The following LETM1 variants were observed in gnomAD, a reference collection of about 807,000 sequenced individuals.
The protein encoded by LETM1 is mitochondrial proton/calcium exchanger protein.
Under a neutral mutation model 74.5 loss-of-function variants are expected in LETM1, and 50 were observed. The observed-to-expected ratio is 0.67, with a 90% confidence interval of 0.53 to 0.85. The LOEUF is 0.85. Ranked by LOEUF, LETM1 falls within the 40% of genes least tolerant of loss-of-function variation. The pLI is 0.00. For missense variants in LETM1, 824 were observed against 967.8 expected (o/e 0.85, Z 1.97); for synonymous variants, 446 against 407.1 (o/e 1.10, Z -1.15).
chr4:1,822,935 G>C (rs536702222), intron 9 of LETM1, 53 bp downstream of exon 9: 10 of 1,332,306 alleles, frequency 7.5e-6, no homozygotes, highest in Admixed American at 6.3e-5. Context: ...GGGGTTTCTA[G>C]GGAGGCTGGC....
In LETM1 at chr4:1,841,772, G is replaced by C; in HGVS notation, c.169C>G (p.Pro57Ala). Residue 57 changes from proline (P) to alanine (A), a missense_variant, in exon 3 of 14, where the codon CCC becomes GCC. Pro to Ala is a conservative substitution (Grantham distance 27, BLOSUM62 -1). This residue lies in a region of LETM1 where 222 missense variants were observed against 195.6 expected (regional missense o/e 1.14). Coordinates refer to ENST00000302787, the MANE Select transcript of LETM1 (RefSeq NM_012318.3). Reference sequence around the variant, plus strand: ...GAGGATGTGTACACAGGGTGGATGGGAGTGCAGCAGCCAAATGGAACATTC... The same window carrying C: ...GAGGATGTGTACACAGGGTGGATGGCAGTGCAGCAGCCAAATGGAACATTC... ...CLNVPFGCCTPIHPVYTSSRG... is the reference protein window; with the variant it reads ...CLNVPFGCCTAIHPVYTSSRG... 1 of 1,613,222 alleles carries C rather than the reference G, an allele frequency of 6.2e-7. No homozygotes were observed. The highest frequency in any genetic ancestry group is 1.7e-5 in the Admixed American group (1 of 60,004).
At chr4:1,845,190 C>T (rs1260411721) in intron 2 of LETM1, among the ~76,000 whole-genome samples, 1 of 152,038 alleles carries the variant, frequency 6.6e-6, no homozygotes, top group East Asian at 1.9e-4. Context: ...ACTCTGTCCC[C>T]CGCACCCCCC....
chr4:1,830,499 T>A (rs756714143), intron 6 of LETM1, among the ~76,000 whole-genome samples: 1 of 152,058 alleles, frequency 6.6e-6, no homozygotes, highest in Non-Finnish European at 1.5e-5. Context: ...CCCAGCTAAT[T>A]TTTAAATTTT....
chr4:1,844,907 A>C (rs1339785283), intron 2 of LETM1, among the ~76,000 whole-genome samples: 1 of 151,196 alleles, frequency 6.6e-6, no homozygotes, highest in African/African-American at 2.4e-5. Flanking sequence ...AAAAAAAAAA[A>C]AAGGCCAGGC....
At chr4:1,850,518 G>A (rs776217125) in intron 1 of LETM1, among the ~76,000 whole-genome samples, 9 of 151,582 alleles carry the variant, frequency 5.9e-5, no homozygotes, top group Non-Finnish European at 1.2e-4. Context: ...TACTACAACC[G>A]GACCGGGCGC....
In LETM1 at chr4:1,844,622, T is replaced by C. The variant is rs188573065; in HGVS notation, c.144-2825A>G. Reference sequence around the variant, plus strand: ...GGCACACACCTGTAATCTCAGTTACTTGGAGGGCTGAGGCGTGAGAACTGC... The same window carrying C: ...GGCACACACCTGTAATCTCAGTTACCTGGAGGGCTGAGGCGTGAGAACTGC... On this transcript the variant is annotated intron_variant, in intron 2 of 13. Transcript: ENST00000302787. 1.3e-3 allele frequency among the ~76,000 whole-genome samples: 197 copies of C among 151,860 alleles called. 1 individual carries two copies. The highest frequency in any genetic ancestry group is 4.5e-3 in the African/African-American group (187 of 41,404).
intron 2 of LETM1, among the ~76,000 whole-genome samples, chr4:1,842,653 T>C (rs1712743040): frequency 6.6e-6 from 1 of 152,146 alleles, no homozygotes; most frequent in South Asian, 2.1e-4. Context: ...GCTCGAGGCC[T>C]CACAGGCAGC....
chr4:1,835,117 C>T (rs889285201), intron 4 of LETM1, 135 bp from the exon 5 acceptor site: 2 of 804,298 alleles, frequency 2.5e-6, no homozygotes, highest in African/African-American at 3.5e-5. Flanking sequence ...AAGTGCAATA[C>T]ATTCTCAAAC....
chr4:1,820,619 A>C (rs574102038), intron 10 of LETM1, among the ~76,000 whole-genome samples: 5 of 152,360 alleles, frequency 3.3e-5, no homozygotes, highest in Admixed American at 1.3e-4. Flanking sequence ...CATGTGCAGG[A>C]CATCTGCATA....
chr4:1,841,768 A>G lies in LETM1; in HGVS notation c.173T>C (p.Ile58Thr). Residue 58 changes from isoleucine to threonine, a missense_variant, in exon 3 of 14, where the codon ATC becomes ACC. Coordinates refer to ENST00000302787, the MANE Select transcript of LETM1 (RefSeq NM_012318.3). ...LNVPFGCCTP[I>T]HPVYTSSRGD... The stretch of plus-strand genomic sequence containing the variant: ...TCTGGAGGATGTGTACACAGGGTGG[A>G]TGGGAGTGCAGCAGCCAAATGGAAC... 6.2e-7 allele frequency: 1 copy of G among 1,613,636 alleles called. No homozygotes were observed. Among genetic ancestry groups the G allele is most frequent in the South Asian group, 1.1e-5 (1 of 91,076 alleles).
Position 1,825,528 on chromosome 4 carries a change from C to T in LETM1, c.1200+36G>A, listed in dbSNP as rs768677557. 14 of 1,591,250 alleles carry T rather than the reference C, an allele frequency of 8.8e-6. No individual in the cohort carries two copies. The African/African-American group carries it at 9.4e-5, about 11-fold the overall frequency. ...TTCGAGGCTGATGTTTCCCTTGAGC[C>T]CGTGCCGGCCTGGCACCAGGCCAAT... On this transcript the variant is annotated intron_variant, in intron 7 of 13. Coordinates refer to ENST00000302787, the MANE Select transcript of LETM1 (RefSeq NM_012318.3).
chr4:1,822,359 G>A (rs774877022), intron 9 of LETM1, 47 bp from the exon 10 acceptor site: 4 of 1,409,726 alleles, frequency 2.8e-6, no homozygotes, highest in East Asian at 5.3e-5. Context: ...TCACACAGAA[G>A]CAGTCTTCTT....
intron 9 of LETM1, chr4:1,822,636 G>A (rs556735607): frequency 7.5e-5 from 26 of 348,884 alleles, no homozygotes; most frequent in East Asian, 4.8e-4. Context: ...CACAGGGCCC[G>A]CGTTGAAGAG....
intron 3 of LETM1, among the ~76,000 whole-genome samples, chr4:1,837,296 A>G (rs1420180003): frequency 6.6e-6 from 1 of 152,038 alleles, no homozygotes; most frequent in African/African-American, 2.4e-5. Context: ...CCTCCTCCTC[A>G]TCAGCCTCTC....
At chr4:1,845,539 C>CTTTTTT (rs565953029) in intron 2 of LETM1, among the ~76,000 whole-genome samples, 1 of 137,414 alleles carries the variant, frequency 7.3e-6, no homozygotes, top group Non-Finnish European at 1.6e-5. Context: ...ATTCTTTTTT[C>CTTTTTT]TTTTTTTTTT....
intron 2 of LETM1, among the ~76,000 whole-genome samples, chr4:1,847,201 G>T (rs1319310031): frequency 6.6e-6 from 1 of 151,914 alleles, no homozygotes; most frequent in Non-Finnish European, 1.5e-5. Flanking sequence ...ATTTAGCAAG[G>T]CATGTTGGTA....
chr4:1,849,693 A>T (rs1221854093), intron 1 of LETM1, among the ~76,000 whole-genome samples: 1 of 152,198 alleles, frequency 6.6e-6, no homozygotes, highest in African/African-American at 2.4e-5. Flanking sequence ...AGTAGCTGGG[A>T]CTACAGGTGT....
chr4:1,842,801 T>C (rs537006415), intron 2 of LETM1, among the ~76,000 whole-genome samples: 66 of 152,236 alleles, frequency 4.3e-4, no homozygotes, highest in Non-Finnish European at 7.6e-4. Context: ...AGACCATGCC[T>C]GGCCCAGAAC....
chr4:1,819,985 T>C (rs1416355927), intron 10 of LETM1, among the ~76,000 whole-genome samples: 2 of 152,256 alleles, frequency 1.3e-5, no homozygotes, highest in Admixed American at 1.3e-4. Flanking sequence ...TTGCCCAGGC[T>C]GGAGGGCAGT....
Sources: gnomAD v4.1 joint callset for allele counts (sites outside exome capture counted in the v4.1 genomes callset) on GRCh38, gnomAD v4.1.1 for gene constraint, gnomAD v4.1.1 regional missense constraint, MANE v1.5 for transcripts, NCBI Gene and HGNC (gene_info 2026-07-23, HGNC 2026-07-21) for gene names.